Variants in VSNL1 observed in about 807,000 individuals in gnomAD.
The protein encoded by VSNL1 is visinin like 1, also known as visinin-like protein 1.
Under a neutral mutation model 20.4 loss-of-function variants are expected in VSNL1, and 6 were observed. The observed-to-expected ratio is 0.29, with a 90% CI of 0.16 to 0.58. The LOEUF (loss-of-function observed/expected upper bound fraction) is 0.58. Ranked by LOEUF, VSNL1 falls within the 20% of genes least tolerant of loss-of-function variation. The pLI is 0.90. For missense variants in VSNL1, 100 were observed against 234.5 expected (o/e 0.43, Z 3.75); for synonymous variants, 93 against 86.4 (o/e 1.08, Z -0.42).
intron 2 of VSNL1, among the ~76,000 whole-genome samples, chr2:17,625,447 A>G (rs1395979575): frequency 2.0e-5 from 3 of 152,246 alleles, no homozygotes; most frequent in East Asian, 1.9e-4. Flanking sequence ...CAATTGTGCT[A>G]TGATGAACTA....
Position 17,608,758 on chromosome 2 carries a change from A to AC in VSNL1, c.162+16524dup, listed in dbSNP as rs1665012233. Among the ~76,000 whole-genome samples, 3 of 152,308 alleles carry AC rather than the reference A, an allele frequency of 2.0e-5. No individual in the cohort carries two copies. In the South Asian group the frequency reaches 6.2e-4, roughly 32 times the overall value. ...TAATAATACATATCAGGCAGGAATG[A>AC]CCATTTCCCCAAGAATCAATCTCAC... On this transcript the variant is annotated intron_variant, in intron 2 of 3. Transcript: ENST00000295156.
At chr2:17,623,174 A>C in intron 2 of VSNL1, among the ~76,000 whole-genome samples, 1 of 152,338 alleles carries the variant, frequency 6.6e-6, no homozygotes, top group Non-Finnish European at 1.5e-5. Context: ...TATCTTAAAA[A>C]AAATTGAATA....
chr2:17,573,050 G>A (rs1478649417), intron 1 of VSNL1, among the ~76,000 whole-genome samples: 1 of 152,236 alleles, frequency 6.6e-6, no homozygotes, highest in Admixed American at 6.5e-5. Flanking sequence ...TATGACTAGA[G>A]AGGATTAATT....
chr2:17,640,253 A>C (rs1235357549), intron 2 of VSNL1, among the ~76,000 whole-genome samples: 11 of 62,624 alleles, frequency 1.8e-4, no homozygotes, highest in Admixed American at 1.4e-3. Flanking sequence ...ACTCTGTTTC[A>C]AAAAAAAAAA....
intron 2 of VSNL1, among the ~76,000 whole-genome samples, chr2:17,610,554 T>C (rs1035772364): frequency 1.3e-5 from 2 of 152,174 alleles, no homozygotes; most frequent in Admixed American, 6.5e-5. Context: ...TTCCCAGTCC[T>C]AGTCCGCAAA....
chr2:17,629,102 G>A (rs926906432), intron 2 of VSNL1, among the ~76,000 whole-genome samples: 3 of 152,176 alleles, frequency 2.0e-5, no homozygotes, highest in Non-Finnish European at 4.4e-5. Context: ...GTCCCACCTG[G>A]CCCTTCTGGG....
At chr2:17,592,391 C>A (rs1664610926) in intron 2 of VSNL1, among the ~76,000 whole-genome samples, 155 bp downstream of exon 2, 1 of 152,068 alleles carries the variant, frequency 6.6e-6, no homozygotes, top group South Asian at 2.1e-4. Context: ...TTTAAAAATG[C>A]AAATGTATAT....
At chr2:17,551,083 C>T (rs1663524026) in intron 1 of VSNL1, among the ~76,000 whole-genome samples, 2 of 152,170 alleles carry the variant, frequency 1.3e-5, no homozygotes, top group Non-Finnish European at 2.9e-5. Flanking sequence ...TGGAACTTCC[C>T]AGTCAGGAGT....
At chr2:17,621,651 G>T (rs558034651) in intron 2 of VSNL1, among the ~76,000 whole-genome samples, 7 of 152,168 alleles carry the variant, frequency 4.6e-5, no homozygotes, top group African/African-American at 1.7e-4. Context: ...TAATAGAGAG[G>T]AGATGTCATT....
intron 2 of VSNL1, among the ~76,000 whole-genome samples, chr2:17,633,973 T>C (rs972851932): frequency 6.6e-6 from 1 of 152,118 alleles, no homozygotes; most frequent in African/African-American, 2.4e-5. Context: ...TGGAAAGATT[T>C]CCCATGGATC....
chr2:17,597,112 C>T (rs1664729533), intron 2 of VSNL1, among the ~76,000 whole-genome samples: 2 of 152,064 alleles, frequency 1.3e-5, no homozygotes, highest in African/African-American at 2.4e-5. Flanking sequence ...TGATGTCTAC[C>T]GTGTATTCTT....
chr2:17,555,329 AGTCCATTATTTTT>A (rs1469863455), intron 1 of VSNL1, among the ~76,000 whole-genome samples: 17 of 152,180 alleles, frequency 1.1e-4, no homozygotes, highest in Non-Finnish European at 2.1e-4. Context: ...ATTGCCCAAA[AGTCCATTATTTTT>A]GTCACTTTGT....
At chr2:17,579,272 C>T (rs1456748239) in intron 1 of VSNL1, among the ~76,000 whole-genome samples, 2 of 152,076 alleles carry the variant, frequency 1.3e-5, no homozygotes, top group South Asian at 2.1e-4. Context: ...CCCGCCACCA[C>T]GCCCGGCTAA....
intron 2 of VSNL1, among the ~76,000 whole-genome samples, chr2:17,605,747 C>A (rs1413336804): frequency 6.6e-6 from 1 of 152,166 alleles, no homozygotes; most frequent in Non-Finnish European, 1.5e-5. Flanking sequence ...TATCCCCGTG[C>A]AGCCATCAAA....
intron 3 of VSNL1, among the ~76,000 whole-genome samples, chr2:17,651,793 A>G (rs543212346): frequency 5.9e-5 from 9 of 152,114 alleles, no homozygotes; most frequent in African/African-American, 1.9e-4. Context: ...TTCTCACCTG[A>G]TTATGGGTCA....
rs559996256 is a variant in VSNL1, at chr2:17,584,749, G to A, written c.-5-7321G>A. Among the ~76,000 whole-genome samples the A allele has an allele frequency of 2.0e-5, 3 of 152,276 alleles. No individual in the cohort carries two copies. In the South Asian group the frequency reaches 6.2e-4, roughly 32 times the overall value. On this transcript the variant is annotated intron_variant, in intron 1 of 3. Transcript: ENST00000295156. ...CTGAAGGGCTTAGGACCTTCAGCCT[G>A]TCTCAGTACCCAAGGATCACAGGCC...
chr2:17,560,396 A>G (rs749099972), intron 1 of VSNL1, among the ~76,000 whole-genome samples: 1 of 152,142 alleles, frequency 6.6e-6, no homozygotes, highest in Non-Finnish European at 1.5e-5. Flanking sequence ...ATCAAATAAT[A>G]TGGAATAGGC....
At chr2:17,640,928 C>T (rs1460414746) in intron 2 of VSNL1, among the ~76,000 whole-genome samples, 1 of 152,208 alleles carries the variant, frequency 6.6e-6, no homozygotes, top group Non-Finnish European at 1.5e-5. Flanking sequence ...GAACTTATTC[C>T]TCCTATCTAG....
At position 17,651,706 on chromosome 2, in the gene VSNL1, TTC is replaced by T. The variant is rs560002011; in HGVS notation, c.378+2085_378+2086del. Reference sequence around the variant, plus strand: ...CCTGGCTGTCAGCGGCTGCTTTTCTTTCTCTTAGTTCTTCCACGTTTCTCCCC... The same window carrying T: ...CCTGGCTGTCAGCGGCTGCTTTTCTTTCTTAGTTCTTCCACGTTTCTCCCC... On this transcript the variant is annotated intron_variant, in intron 3 of 3. Transcript: ENST00000295156. 4.7e-3 allele frequency among the ~76,000 whole-genome samples: 718 copies of T among 152,344 alleles called. 8 individuals are homozygous for T. The highest frequency in any genetic ancestry group is 0.016 in the African/African-American group (673 of 41,580).
Sources: allele counts gnomAD v4.1 joint callset (sites outside exome capture counted in the v4.1 genomes callset), GRCh38; gene constraint gnomAD v4.1.1; transcripts MANE v1.5; gene names NCBI Gene and HGNC (gene_info 2026-07-23, HGNC 2026-07-21).